The following COBL variants were observed in gnomAD, a reference collection of about 807,000 sequenced individuals.
The protein encoded by COBL is protein cordon-bleu.
In COBL, 51 loss-of-function variants were observed where a neutral mutation model predicts 98.8. The observed-to-expected ratio is 0.52, with a 90% CI of 0.41 to 0.65. COBL has a LOEUF of 0.65. COBL is among the 30% of genes least tolerant of loss of function. COBL has a pLI of 0.00. For synonymous variants in COBL, 634 were observed against 651.7 expected, an observed-to-expected ratio of 0.97 and a Z score of 0.41; for missense variants, 1,617 against 1,617.5, an observed-to-expected ratio of 1.00 and a Z score of 0.01.
At chr7:51,179,323 G>A (rs754681651) in intron 5 of COBL, among the ~76,000 whole-genome samples, 2 of 151,946 alleles carry the variant, frequency 1.3e-5, no homozygotes, top group African/African-American at 2.4e-5. Context: ...TGCAACCTTC[G>A]CCTCCCAGGT....
intron 7 of COBL, among the ~76,000 whole-genome samples, chr7:51,084,015 C>T (rs980790136): frequency 1.3e-5 from 2 of 152,106 alleles, no homozygotes; most frequent in Non-Finnish European, 2.9e-5. Flanking sequence ...CTTCACGAAA[C>T]AGGAGAAAAC....
intron 12 of COBL, among the ~76,000 whole-genome samples, chr7:51,020,809 G>GCAGAGA (rs1440818744): frequency 6.6e-6 from 1 of 152,200 alleles, no homozygotes; most frequent in East Asian, 1.9e-4. Flanking sequence ...AAATACAGAG[G>GCAGAGA]CAGAGACATC....
chr7:51,017,765 G>A (rs750401421), intron 12 of COBL, among the ~76,000 whole-genome samples, 197 bp from the exon 13 acceptor site: 10 of 152,156 alleles, frequency 6.6e-5, no homozygotes, highest in African/African-American at 1.4e-4. Context: ...CAGCTTCCTC[G>A]TAAAAGCTGC....
chr7:51,017,788 A>C (rs1211348092), intron 12 of COBL, among the ~76,000 whole-genome samples: 13 of 152,172 alleles, frequency 8.5e-5, no homozygotes, highest in Admixed American at 8.5e-4. Context: ...GGGAAGGACG[A>C]CTAGCAGGAT....
intron 2 of COBL, among the ~76,000 whole-genome samples, chr7:51,204,707 C>CGG (rs1791499816): frequency 6.6e-6 from 1 of 152,030 alleles, no homozygotes; most frequent in Non-Finnish European, 1.5e-5. Context: ...TGCACCACCA[C>CGG]GCCCAGCTAA....
chr7:51,053,267 A>G (rs932788405), intron 7 of COBL, among the ~76,000 whole-genome samples: 9 of 152,222 alleles, frequency 5.9e-5, no homozygotes, highest in Non-Finnish European at 1.3e-4. Flanking sequence ...GATTTAAATA[A>G]GAAATAAAAT....
intron 1 of COBL, among the ~76,000 whole-genome samples, chr7:51,277,211 C>A (rs1216686894): frequency 6.6e-6 from 1 of 152,312 alleles, no homozygotes; most frequent in African/African-American, 2.4e-5. Flanking sequence ...CAATGACCGA[C>A]TAAGTTAAAA....
In COBL at chr7:51,052,618, A is replaced by G. The variant is rs968422141; in HGVS notation, c.1097-8926T>C. ...AACTCTGTCTCCAGGTTGTCTATCTATTAAAACACATAAATTTTATTTAAT... is the reference window on the plus strand; with the variant it reads ...AACTCTGTCTCCAGGTTGTCTATCTGTTAAAACACATAAATTTTATTTAAT... On this transcript the variant is annotated intron_variant, in intron 7 of 12. Coordinates refer to ENST00000265136, the MANE Select transcript of COBL (RefSeq NM_015198.5). Among the ~76,000 whole-genome samples the G allele has an allele frequency of 2.6e-5, 4 of 152,202 alleles. No homozygotes were observed. The East Asian group carries it at 5.8e-4, about 22-fold the overall frequency.
At chr7:51,030,024 T>A (rs557126384) in intron 9 of COBL, among the ~76,000 whole-genome samples, 1 of 152,204 alleles carries the variant, frequency 6.6e-6, no homozygotes, top group Non-Finnish European at 1.5e-5. Context: ...TGACTAAATC[T>A]TGAGTATCTC....
At chr7:51,084,925 C>T (rs931690001) in intron 7 of COBL, among the ~76,000 whole-genome samples, 5 of 152,290 alleles carry the variant, frequency 3.3e-5, no homozygotes, top group African/African-American at 7.2e-5. Context: ...CTCCTGCAGC[C>T]GTTTCTCCCC....
chr7:51,248,526 TA>T (rs1301753473), intron 1 of COBL, among the ~76,000 whole-genome samples: 1 of 152,208 alleles, frequency 6.6e-6, no homozygotes, highest in Non-Finnish European at 1.5e-5. Flanking sequence ...AGACGGAGGA[TA>T]GGGGTCTAAA....
intron 5 of COBL, among the ~76,000 whole-genome samples, chr7:51,160,904 T>A (rs1279625994): frequency 6.6e-6 from 1 of 150,908 alleles, no homozygotes; most frequent in Non-Finnish European, 1.5e-5. Flanking sequence ...GTTTTGAATA[T>A]AAAGCTTTTT....
intron 6 of COBL, 51 bp downstream of exon 6, chr7:51,136,107 A>G (rs1392704650): frequency 9.5e-6 from 15 of 1,572,420 alleles, no homozygotes; most frequent in Non-Finnish European, 1.3e-5. Flanking sequence ...GGAACAATCA[A>G]CTGTGTCACT....
chr7:51,290,542 A>G (rs1243936980), intron 1 of COBL, among the ~76,000 whole-genome samples: 1 of 152,182 alleles, frequency 6.6e-6, no homozygotes, highest in Non-Finnish European at 1.5e-5. Context: ...CACAGATATC[A>G]GAACAAAGGG....
At position 51,136,013 on chromosome 7, in the gene COBL, T is replaced by C. The variant is rs1799199738; in HGVS notation, c.957+145A>G. 4 of 1,114,898 alleles carry C rather than the reference T, an allele frequency of 3.6e-6. No individual in the cohort carries two copies. The Admixed American group carries it at 9.0e-5, about 25-fold the overall frequency. 69.1% of individuals were successfully genotyped at this position (1,114,898 alleles called of 1,614,324 possible). Reference sequence around the variant, plus strand: ...CTTCCTGGCATCTTGCCTTTACTTTTAAATAAAGCTTAAATACTTGCCCCC... The same window carrying C: ...CTTCCTGGCATCTTGCCTTTACTTTCAAATAAAGCTTAAATACTTGCCCCC... On this transcript the variant is annotated intron_variant, in intron 6 of 12. Coordinates refer to ENST00000265136, the MANE Select transcript of COBL (RefSeq NM_015198.5).
intron 1 of COBL, among the ~76,000 whole-genome samples, chr7:51,314,356 T>C (rs1563158362): frequency 6.6e-6 from 1 of 152,226 alleles, no homozygotes; most frequent in Non-Finnish European, 1.5e-5. Flanking sequence ...CAGAATCAGA[T>C]GGAAAACAAA....
At chr7:51,220,863 G>T (rs1480441430) in intron 1 of COBL, among the ~76,000 whole-genome samples, 1 of 152,124 alleles carries the variant, frequency 6.6e-6, no homozygotes, top group African/African-American at 2.4e-5. Context: ...AGATTAGCCA[G>T]GGAAAGCAAC....
chr7:51,221,035 C>A (rs1194359661), intron 1 of COBL, among the ~76,000 whole-genome samples: 1 of 152,144 alleles, frequency 6.6e-6, no homozygotes, highest in Non-Finnish European at 1.5e-5. Flanking sequence ...TACTTAACAT[C>A]CACTAGGACC....
chr7:51,301,498 C>T (rs966492491), intron 1 of COBL, among the ~76,000 whole-genome samples: 5 of 152,238 alleles, frequency 3.3e-5, no homozygotes, highest in Non-Finnish European at 2.9e-5. Flanking sequence ...CCTTGTCTCT[C>T]AGGCCTGGGC....
Sources: gnomAD v4.1 joint callset for allele counts (sites outside exome capture counted in the v4.1 genomes callset) on GRCh38, gnomAD v4.1.1 for gene constraint, MANE v1.5 for transcripts, NCBI Gene and HGNC (gene_info 2026-07-23, HGNC 2026-07-21) for gene names.